TMEM116: variants seen among roughly 807,000 people sequenced by gnomAD.
The protein encoded by TMEM116 is transmembrane protein 116.
In TMEM116, 38 loss-of-function variants were observed where a neutral mutation model predicts 44.3. The observed-to-expected ratio is 0.86, with a 90% CI of 0.66 to 1.12. The LOEUF is 1.12. TMEM116 is among the 50% of genes most tolerant of loss of function. TMEM116 has a pLI of 0.00. For missense variants in TMEM116, 354 were observed against 401.7 expected (o/e 0.88, Z 1.01); for synonymous variants, 132 against 144.8 (o/e 0.91, Z 0.64).
intron 4 of TMEM116, among the ~76,000 whole-genome samples, chr12:111,971,841 C>T (rs1420967778): frequency 2.0e-5 from 3 of 151,888 alleles, no homozygotes; most frequent in Non-Finnish European, 4.4e-5. Context: ...TTGAAAGGCT[C>T]ACTTGTGTAA....
In TMEM116 at chr12:111,936,750, T is replaced by C; in HGVS notation, c.530A>G (p.Tyr177Cys). 3.1e-6 allele frequency: 5 copies of C among 1,613,926 alleles called. No homozygotes were observed. The Middle Eastern group carries it at 6.6e-4, about 213-fold the overall frequency. Residue 177 changes from tyrosine to cysteine, a missense_variant, in exon 8 of 11, where the codon TAT becomes TGT. Transcript: ENST00000552374. ...SANTSVCSTL[Y>C]FYGIAIFLGS... is the part of the protein sequence containing the mutation. Reference sequence around the variant, plus strand: ...CAGGAAAATGGCGATACCATAAAAATAAAGTGTGCTACAGACAGATGTGTT... The same window carrying C: ...CAGGAAAATGGCGATACCATAAAAACAAAGTGTGCTACAGACAGATGTGTT...
At chr12:112,000,929 G>A (rs1388188185) in intron 3 of TMEM116, 8 of 407,298 alleles carry the variant, frequency 2.0e-5, no homozygotes, top group East Asian at 1.4e-4. Flanking sequence ...GCAGCATGGC[G>A]ATGGCACTGA....
intron 3 of TMEM116, among the ~76,000 whole-genome samples, chr12:112,001,654 T>G (rs187118997): frequency 5.9e-5 from 9 of 152,204 alleles, no homozygotes; most frequent in Non-Finnish European, 8.8e-5. Context: ...GAGATAAAGC[T>G]TAGCTCTCTC....
At chr12:111,990,491 T>G (rs1328642439) in intron 4 of TMEM116, among the ~76,000 whole-genome samples, 1 of 152,216 alleles carries the variant, frequency 6.6e-6, no homozygotes, top group Non-Finnish European at 1.5e-5. Flanking sequence ...TTAGCAGGAC[T>G]GAGCAAAGTA....
intron 4 of TMEM116, among the ~76,000 whole-genome samples, chr12:111,948,254 T>C (rs1443017650): frequency 6.6e-6 from 1 of 152,136 alleles, no homozygotes; most frequent in Non-Finnish European, 1.5e-5. Flanking sequence ...ACCGTGCCCA[T>C]CCAGGAAAGA....
At chr12:111,967,793 A>G (rs544515293) in intron 4 of TMEM116, among the ~76,000 whole-genome samples, 1 of 152,336 alleles carries the variant, frequency 6.6e-6, no homozygotes, top group East Asian at 1.9e-4. Flanking sequence ...TTACTCTCCT[A>G]GCAAGCAAAC....
At chr12:111,978,834 A>C (rs1461426214) in intron 4 of TMEM116, 1 of 410,074 alleles carries the variant, frequency 2.4e-6, no homozygotes, top group Non-Finnish European at 4.9e-6. Flanking sequence ...TTGTATGGTA[A>C]TTTGTTATAG....
intron 4 of TMEM116, among the ~76,000 whole-genome samples, chr12:111,984,846 A>G (rs546085966): frequency 1.3e-5 from 2 of 152,258 alleles, no homozygotes; most frequent in African/African-American, 4.8e-5. Context: ...TAAAAAAAAA[A>G]TTTTAAATGT....
At chr12:111,945,434 A>G (rs886847732) in intron 4 of TMEM116, among the ~76,000 whole-genome samples, 1 of 150,544 alleles carries the variant, frequency 6.6e-6, no homozygotes, top group Admixed American at 6.6e-5. Context: ...TGTATCTGTT[A>G]GATTTTTTTT....
At chr12:111,999,264 G>T (rs1465173830) in intron 3 of TMEM116, among the ~76,000 whole-genome samples, 1 of 151,322 alleles carries the variant, frequency 6.6e-6, no homozygotes, top group Non-Finnish European at 1.5e-5. Context: ...ATTTACAAAT[G>T]TTCTTCTATT....
At chr12:111,985,258 T>C (rs11066113) in intron 4 of TMEM116, among the ~76,000 whole-genome samples, 1 of 149,640 alleles carries the variant, frequency 6.7e-6, no homozygotes, top group African/African-American at 2.5e-5. Flanking sequence ...CGATCTTATA[T>C]GTAGAAAACT....
chr12:111,937,552 A>G (rs187230840), intron 6 of TMEM116, among the ~76,000 whole-genome samples: 1 of 152,286 alleles, frequency 6.6e-6, no homozygotes, highest in Admixed American at 6.5e-5. Context: ...TGAAAGGAAA[A>G]TCTACTAAGG....
chr12:111,986,427 A>C (rs1171745754), intron 4 of TMEM116, among the ~76,000 whole-genome samples: 1 of 152,160 alleles, frequency 6.6e-6, no homozygotes, highest in Non-Finnish European at 1.5e-5. Context: ...AATGGATCAG[A>C]ATTAAAAGCC....
At chr12:111,959,939 A>C (rs1487967433) in intron 4 of TMEM116, among the ~76,000 whole-genome samples, 1 of 152,206 alleles carries the variant, frequency 6.6e-6, no homozygotes. Context: ...ATATTAGATC[A>C]ACGAGACAGA....
intron 4 of TMEM116, among the ~76,000 whole-genome samples, chr12:111,971,998 C>T (rs1204160483): frequency 1.3e-5 from 2 of 148,956 alleles, no homozygotes; most frequent in Admixed American, 6.7e-5. Context: ...ATTGCTTGAG[C>T]CCAGGAGTTT....
intron 3 of TMEM116, among the ~76,000 whole-genome samples, chr12:112,002,381 G>A (rs2077303303): frequency 7.6e-6 from 1 of 131,834 alleles, no homozygotes; most frequent in Non-Finnish European, 1.6e-5. Context: ...CAACAAGAGC[G>A]AAACTCTGTC....
intron 5 of TMEM116, among the ~76,000 whole-genome samples, chr12:111,940,482 C>T (rs1295345504): frequency 1.6e-5 from 2 of 126,312 alleles, no homozygotes; most frequent in Non-Finnish European, 3.3e-5. Flanking sequence ...TATATACATA[C>T]ACACACACAC....
intron 4 of TMEM116, among the ~76,000 whole-genome samples, chr12:111,979,402 C>T (rs1022718414): frequency 1.3e-5 from 2 of 151,984 alleles, no homozygotes; most frequent in African/African-American, 2.4e-5. Flanking sequence ...TTACACATAT[C>T]GTATGATTCC....
In TMEM116 at chr12:111,945,101, C is replaced by G. The variant is rs1191789840; in HGVS notation, c.211-1732G>C. 2.1e-5 allele frequency among the ~76,000 whole-genome samples: 3 copies of G among 141,496 alleles called. No homozygotes were observed. In the Admixed American group the frequency reaches 2.1e-4, roughly 10 times the overall value. The allele number at this position is 141,496 out of a possible 152,430, so 92.8% of individuals were successfully genotyped here. ...AAAAAAAAAAAAAAAAAAAAGCAAG[C>G]CTTTAAAAAACAGGCAAACCTTGAA... On this transcript the variant is annotated intron_variant, in intron 4 of 10. Transcript: ENST00000552374.
Sources: allele counts gnomAD v4.1 joint callset (sites outside exome capture counted in the v4.1 genomes callset), GRCh38; gene constraint gnomAD v4.1.1; transcripts MANE v1.5; gene names NCBI Gene and HGNC (gene_info 2026-07-23, HGNC 2026-07-21).